Variants in MARCHF1 observed in about 807,000 individuals in gnomAD.
MARCHF1 encodes E3 ubiquitin-protein ligase MARCHF1.
In MARCHF1, 40 loss-of-function variants were observed where a neutral mutation model predicts 54.2. That is an observed-to-expected ratio of 0.74 (90% CI 0.57 to 0.96). The LOEUF is 0.96. MARCHF1 is among the 40% of genes least tolerant of loss of function. The pLI, the probability that MARCHF1 is intolerant of heterozygous loss-of-function variation, is 0.00. For missense variants in MARCHF1, 586 were observed against 656.5 expected, an observed-to-expected ratio of 0.89 and a Z score of 1.17; for synonymous variants, 236 against 236.3, an observed-to-expected ratio of 1.00 and a Z score of 0.01.
At chr4:163,551,402 A>T (rs1334067607) in intron 8 of MARCHF1, among the ~76,000 whole-genome samples, 5 of 152,232 alleles carry the variant, frequency 3.3e-5, no homozygotes, top group Non-Finnish European at 7.3e-5. Flanking sequence ...AGGTATGCCT[A>T]TGGTAAATAA....
chr4:163,734,616 A>T (rs1228390327), intron 4 of MARCHF1, among the ~76,000 whole-genome samples: 1 of 151,998 alleles, frequency 6.6e-6, no homozygotes, highest in African/African-American at 2.4e-5. Context: ...CAAATTCTAG[A>T]ACAGTCAAAC....
chr4:164,336,572 A>C (rs953024287), intron 1 of MARCHF1, among the ~76,000 whole-genome samples: 1 of 152,208 alleles, frequency 6.6e-6, no homozygotes, highest in African/African-American at 2.4e-5. Context: ...TTGAAAGAAT[A>C]CCTTCTTTCA....
chr4:163,546,088 C>T (rs1738896288), intron 8 of MARCHF1, among the ~76,000 whole-genome samples: 1 of 152,072 alleles, frequency 6.6e-6, no homozygotes, highest in Admixed American at 6.5e-5. Flanking sequence ...GAACCTCTGC[C>T]TCAGCCCCCA....
At chr4:163,559,840 G>C (rs1226116735) in intron 8 of MARCHF1, among the ~76,000 whole-genome samples, 1 of 152,104 alleles carries the variant, frequency 6.6e-6, no homozygotes, top group Admixed American at 6.6e-5. Flanking sequence ...CAATGCCTCA[G>C]GACATTTGTA....
chr4:163,717,332 T>C (rs1320425259), intron 4 of MARCHF1, among the ~76,000 whole-genome samples: 2 of 151,690 alleles, frequency 1.3e-5, no homozygotes, highest in African/African-American at 4.8e-5. Context: ...GAACTCATCA[T>C]TTTTTATGGC....
intron 1 of MARCHF1, among the ~76,000 whole-genome samples, chr4:164,229,119 G>A (rs111716530): frequency 1.2e-3 from 188 of 152,210 alleles, no homozygotes; most frequent in African/African-American, 4.3e-3. Context: ...TTTTATCAAC[G>A]GAAGTATTAC....
chr4:164,039,889 A>G lies in MARCHF1; in HGVS notation c.-247-51180T>C, dbSNP rs1258225737. The stretch of plus-strand genomic sequence containing the variant: ...TCAGTTCTACCTTATGACATTTCAC[A>G]CTTACAGAAACAACAAAGTAAAATA... On this transcript the variant is annotated intron_variant, in intron 2 of 9. Transcript: ENST00000514618. 4.0e-5 allele frequency among the ~76,000 whole-genome samples: 6 copies of G among 151,112 alleles called. No homozygotes were observed. In the South Asian group the frequency reaches 1.0e-3, roughly 26 times the overall value.
chr4:163,950,871 C>T (rs912169296), intron 3 of MARCHF1, among the ~76,000 whole-genome samples: 4 of 152,182 alleles, frequency 2.6e-5, no homozygotes, highest in South Asian at 2.1e-4. Flanking sequence ...TCTTCCTTGA[C>T]GTTAGAAGAA....
chr4:164,177,007 T>TAC (rs1730706465), intron 1 of MARCHF1, among the ~76,000 whole-genome samples: 1 of 89,446 alleles, frequency 1.1e-5, no homozygotes, highest in African/African-American at 5.9e-5. Context: ...TATATATATA[T>TAC]ATACAAATGA....
chr4:164,016,641 T>A (rs965856358), intron 2 of MARCHF1, among the ~76,000 whole-genome samples: 6 of 152,024 alleles, frequency 3.9e-5, no homozygotes, highest in Non-Finnish European at 7.4e-5. Context: ...ACAATGATGG[T>A]AACTAGAGGC....
intron 4 of MARCHF1, among the ~76,000 whole-genome samples, chr4:163,803,597 C>T (rs1748143873): frequency 6.6e-6 from 1 of 152,178 alleles, no homozygotes; most frequent in African/African-American, 2.4e-5. Flanking sequence ...ACTATGTACA[C>T]AGCTCAAGCA....
chr4:164,133,656 T>C (rs915476177), intron 1 of MARCHF1, among the ~76,000 whole-genome samples: 1 of 152,186 alleles, frequency 6.6e-6, no homozygotes, highest in African/African-American at 2.4e-5. Flanking sequence ...AAAAATAAAT[T>C]TTTAACCTAG....
At position 163,898,823 on chromosome 4, in the gene MARCHF1, G is replaced by A. The variant is rs1003132997; in HGVS notation, c.-38-44654C>T. Among the ~76,000 whole-genome samples the A allele has an allele frequency of 2.0e-5, 3 of 152,128 alleles. No individual in the cohort carries two copies. The East Asian group carries it at 5.8e-4, about 29-fold the overall frequency. ...ACGATTGACTGGATAAAGAAAATGC[G>A]GTATATATACACCTTGGAGTATTTA... On this transcript the variant is annotated intron_variant, in intron 3 of 9. Transcript: ENST00000514618.
At chr4:163,559,949 T>C (rs917322810) in intron 8 of MARCHF1, among the ~76,000 whole-genome samples, 5 of 152,270 alleles carry the variant, frequency 3.3e-5, no homozygotes, top group African/African-American at 1.2e-4. Flanking sequence ...TGTCGAGTTC[T>C]CAGATTTCTT....
chr4:164,062,577 T>G (rs1754641945), intron 2 of MARCHF1, among the ~76,000 whole-genome samples: 1 of 152,136 alleles, frequency 6.6e-6, no homozygotes, highest in African/African-American at 2.4e-5. Flanking sequence ...CAGGCTGGAG[T>G]GCAGTGGCGC....
At chr4:163,823,607 A>G (rs193190901) in intron 4 of MARCHF1, among the ~76,000 whole-genome samples, 1 of 152,022 alleles carries the variant, frequency 6.6e-6, no homozygotes, top group East Asian at 1.9e-4. Flanking sequence ...TAAAAATCAT[A>G]TTTGTGGTTA....
intron 1 of MARCHF1, among the ~76,000 whole-genome samples, chr4:164,170,648 A>C (rs72691827): frequency 0.079 from 12,053 of 152,178 alleles, 696 homozygotes; most frequent in Non-Finnish European, 0.12. Flanking sequence ...ATAGTGAGAT[A>C]TTTCTATGAT....
chr4:164,377,149 G>T (rs868775719), intron 1 of MARCHF1, among the ~76,000 whole-genome samples: 5 of 149,412 alleles, frequency 3.3e-5, no homozygotes, highest in South Asian at 2.2e-4. Flanking sequence ...CAACATACAA[G>T]TCACTCAAAA....
At chr4:164,351,430 G>A (rs1037708453) in intron 1 of MARCHF1, among the ~76,000 whole-genome samples, 29 of 150,652 alleles carry the variant, frequency 1.9e-4, no homozygotes, top group Non-Finnish European at 3.9e-4. Flanking sequence ...TGGGCAGACT[G>A]CCTCCTCAAG....
Sources: allele counts gnomAD v4.1 joint callset (sites outside exome capture counted in the v4.1 genomes callset), GRCh38; gene constraint gnomAD v4.1.1; transcripts MANE v1.5; gene names NCBI Gene and HGNC (gene_info 2026-07-23, HGNC 2026-07-21).